ITGAE: variants seen among roughly 807,000 people sequenced by gnomAD.
ITGAE encodes integrin alpha-E.
ITGAE carries 99 observed loss-of-function variants against 136.5 expected under a neutral mutation model. That is an observed-to-expected ratio of 0.73 (90% CI 0.62 to 0.86). The LOEUF (loss-of-function observed/expected upper bound fraction) is 0.86. ITGAE is among the 40% of genes least tolerant of loss of function. ITGAE has a pLI of 0.00. For synonymous variants in ITGAE, 613 were observed against 591.8 expected (o/e 1.04, Z -0.52); for missense variants, 1,447 against 1,515.3 (o/e 0.95, Z 0.75).
At chr17:3,784,123 G>T (rs1244655685) in intron 1 of ITGAE, among the ~76,000 whole-genome samples, 1 of 152,026 alleles carries the variant, frequency 6.6e-6, no homozygotes. Context: ...AGCCGGGCGT[G>T]GTGGCGGGCG....
chr17:3,778,440 G>A (rs2052594362), intron 1 of ITGAE, among the ~76,000 whole-genome samples: 1 of 152,148 alleles, frequency 6.6e-6, no homozygotes, highest in African/African-American at 2.4e-5. Flanking sequence ...GCACGTTCCT[G>A]TAATCCCAGC....
intron 1 of ITGAE, among the ~76,000 whole-genome samples, chr17:3,792,577 G>T (rs1421153402): frequency 6.6e-6 from 1 of 152,176 alleles, no homozygotes; most frequent in Non-Finnish European, 1.5e-5. Flanking sequence ...AAAAAAGAGG[G>T]GGATACAACA....
At position 3,757,855 on chromosome 17, in the gene ITGAE, T is replaced by C. The variant is rs201005963; in HGVS notation, c.871A>G (p.Ser291Gly). 6.2e-7 allele frequency: 1 copy of C among 1,614,142 alleles called. No homozygotes were observed. Among genetic ancestry groups the C allele is most frequent in the Non-Finnish European group, 8.5e-7 (1 of 1,180,014 alleles). ...TASAMQHVLD[S>G]IFTSSHGSRR... is the part of the protein sequence containing the mutation. ...GAGCCGTGGCTTGAGGTGAAGATGC[T>C]GTCTCTAAGCAGGGGAGAGTAAATG... Residue 291 changes from serine (S) to glycine (G), a missense_variant, in exon 9 of 31, where the codon AGC becomes GGC. By Grantham distance (56) the Ser-to-Gly change is moderately conservative. Transcript: ENST00000263087.
At position 3,782,373 on chromosome 17, in the gene ITGAE, T is replaced by C. The variant is rs1393841210; in HGVS notation, c.35-4713A>G. ...TGTGTGTGTGTGTGTGTGTGTGTAC[T>C]TTTTTTTTTTTGAGATGGAGTTTCG... On this transcript the variant is annotated intron_variant, in intron 1 of 30. Coordinates refer to ENST00000263087, the MANE Select transcript of ITGAE (RefSeq NM_002208.5). 5.4e-5 allele frequency among the ~76,000 whole-genome samples: 7 copies of C among 130,178 alleles called. No individual in the cohort carries two copies. The East Asian group carries it at 8.6e-4, about 16-fold the overall frequency. The allele number at this position is 130,178 out of a possible 152,430, so 85.4% of individuals were successfully genotyped here.
chr17:3,771,001 A>G (rs1448772766), intron 2 of ITGAE, among the ~76,000 whole-genome samples: 3 of 152,150 alleles, frequency 2.0e-5, no homozygotes, highest in South Asian at 2.1e-4. Context: ...TGAATGCAGA[A>G]CCAATTGCAT....
intron 1 of ITGAE, among the ~76,000 whole-genome samples, chr17:3,797,810 T>C (rs1004852020): frequency 2.0e-4 from 31 of 152,076 alleles, no homozygotes; most frequent in Non-Finnish European, 3.7e-4. Context: ...ACGTCTGCCT[T>C]CCGCAACAGC....
chr17:3,785,558 A>AAGGAAG (rs2052772692), intron 1 of ITGAE, among the ~76,000 whole-genome samples: 2 of 137,756 alleles, frequency 1.5e-5, no homozygotes, highest in Non-Finnish European at 3.2e-5. Flanking sequence ...AAGGAAGGAA[A>AAGGAAG]ACTAGAAAAA....
At position 3,755,894 on chromosome 17, in the gene ITGAE, G is replaced by A. The variant is rs141302567; in HGVS notation, c.1175C>T (p.Thr392Met). 31 of 1,593,976 alleles carry A rather than the reference G, an allele frequency of 1.9e-5. No individual in the cohort carries two copies. Among genetic ancestry groups the A allele is most frequent in the South Asian group, 6.8e-5 (6 of 87,666 alleles). The change falls in exon 11 of 31, where the codon ACG (threonine) becomes ATG (methionine). Residue 392 changes from threonine to methionine, a missense_variant. This residue lies in a region of ITGAE where 1,031 missense variants were observed against 1,011.4 expected (regional missense o/e 1.02). Transcript: ENST00000263087. ...CTGGTAGTGAAGGGCGTCTCCAACC[G>A]TGCCTGCAAGCCAAGAAGCCCAGTG... ...LRYNIISMEG[T>M]VGDALHYQLA...
At chr17:3,720,549 C>A in intron 28 of ITGAE, 147 bp from the exon 29 acceptor site, 1 of 508,382 alleles carries the variant, frequency 2.0e-6, no homozygotes, top group Non-Finnish European at 3.5e-6. Context: ...CATAAAGTTA[C>A]CCAAACAAGA....
rs572717402 is a variant in ITGAE at position 3,753,932 on chromosome 17, C to T, written c.1385-7G>A. On this transcript the variant is annotated splice_region_variant and splice_polypyrimidine_tract_variant and intron_variant, in intron 12 of 30. Transcript: ENST00000263087. ...AGCACGGCCACAGCGTAACCTGGGG[C>T]AAGGGTGGTGTGGCTGTGAACACAC... 3.1e-6 allele frequency: 5 copies of T among 1,613,440 alleles called. No homozygotes were observed. The African/African-American group carries it at 4.0e-5, about 13-fold the overall frequency.
chr17:3,797,274 T>C (rs563988656), intron 1 of ITGAE, among the ~76,000 whole-genome samples: 256 of 148,534 alleles, frequency 1.7e-3, no homozygotes, highest in African/African-American at 6.2e-3. Flanking sequence ...CACGCCATTC[T>C]CCTGCCTCAG....
At chr17:3,744,168 C>T (rs940443313) in intron 18 of ITGAE, among the ~76,000 whole-genome samples, 9 of 151,750 alleles carry the variant, frequency 5.9e-5, no homozygotes, top group Non-Finnish European at 8.8e-5. Flanking sequence ...TGAGCCACCG[C>T]ACCTTGCAAG....
intron 26 of ITGAE, chr17:3,724,668 C>T (rs756917937): frequency 1.2e-6 from 2 of 1,614,228 alleles, no homozygotes; most frequent in Non-Finnish European, 8.5e-7. Flanking sequence ...CAGGTCAGTT[C>T]TCTTTGGCCT....
intron 28 of ITGAE, 152 bp from the exon 29 acceptor site, chr17:3,720,554 A>C: frequency 2.0e-6 from 1 of 503,548 alleles, no homozygotes; most frequent in South Asian, 2.8e-5. Flanking sequence ...AGTTACCCAA[A>C]CAAGACATCT....
chr17:3,759,469 C>A lies in ITGAE; in HGVS notation c.799G>T (p.Ala267Ser), dbSNP rs544056145. The A allele has an allele frequency of 1.2e-6, 2 of 1,614,136 alleles. No individual in the cohort carries two copies. The highest frequency in any genetic ancestry group is 1.1e-5 in the South Asian group (1 of 91,084). Residue 267 changes from alanine (A) to serine (S), a missense_variant, in exon 8 of 31, where the codon GCC becomes TCC. Physicochemically the swap from Ala to Ser is moderately conservative, Grantham distance 99. Coordinates refer to ENST00000263087, the MANE Select transcript of ITGAE (RefSeq NM_002208.5). The part of the protein sequence containing the change: ...RDSQDVMASL[A>S]RVQNITQVGS... ...ACTTGAGTGATGTTCTGGACTCTGG[C>A]GAGGGAGGCCATCACATCCTGGCTG...
intron 19 of ITGAE, among the ~76,000 whole-genome samples, chr17:3,743,050 G>A (rs1287895960): frequency 6.6e-6 from 1 of 152,230 alleles, no homozygotes; most frequent in Non-Finnish European, 1.5e-5. Context: ...CATTCAGCCT[G>A]AAGGCCCTGG....
chr17:3,761,580 G>T (rs914866416), intron 4 of ITGAE, 60 bp from the exon 5 acceptor site: 7 of 1,467,862 alleles, frequency 4.8e-6, no homozygotes, highest in African/African-American at 2.8e-5. Context: ...CCGAGCCACA[G>T]CCACATTCTC....
At chr17:3,725,318 A>G (rs1163296830) in intron 26 of ITGAE, 1 of 1,614,226 alleles carries the variant, frequency 6.2e-7, no homozygotes, top group Admixed American at 1.7e-5. Flanking sequence ...CTGATGCTGA[A>G]AAGGTTTATG....
chr17:3,731,114 T>G lies in ITGAE; in HGVS notation c.2824A>C (p.Thr942Pro). The stretch of plus-strand genomic sequence containing the variant: ...CCAGGCAGTACTTACTTGGTGACAG[T>G]CACAGTGATGTCTGCTGTCCTGTTT... ...FPNRTADITVTVTNSNERRSL... is the reference protein window; with the variant it reads ...FPNRTADITVPVTNSNERRSL... Residue 942 changes from threonine to proline, a missense_variant, in exon 23 of 31, where the codon ACT (threonine) becomes CCT (proline). By Grantham distance (38) the Thr-to-Pro change is conservative. Around this residue, in one of 3 missense-constraint regions of ITGAE, gnomAD observed 1,031 missense variants for 1,011.4 expected, o/e 1.02. Coordinates refer to ENST00000263087, the MANE Select transcript of ITGAE (RefSeq NM_002208.5). 6.2e-7 allele frequency: 1 copy of G among 1,613,090 alleles called. No homozygotes were observed. Among genetic ancestry groups the G allele is most frequent in the South Asian group, 1.1e-5 (1 of 91,068 alleles).
Sources: gnomAD v4.1 joint callset for allele counts (sites outside exome capture counted in the v4.1 genomes callset) on GRCh38, gnomAD v4.1.1 for gene constraint, gnomAD v4.1.1 regional missense constraint, MANE v1.5 for transcripts, NCBI Gene and HGNC (gene_info 2026-07-23, HGNC 2026-07-21) for gene names.